PLN: variants seen among roughly 807,000 people sequenced by gnomAD.
The protein encoded by PLN is cardiac phospholamban.
A neutral mutation model predicts 3.9 loss-of-function variants in PLN; 1 was observed. The ratio of observed to expected loss-of-function variants is 0.26; its 90% CI spans 0.09 to 1.23. The LOEUF is 1.23. Ranked by LOEUF, PLN falls within the 50% of genes most tolerant of loss-of-function variation. PLN has a pLI of 0.48. For missense variants in PLN, 59 were observed against 62.7 expected, an observed-to-expected ratio of 0.94 and a Z score of 0.20; for synonymous variants, 21 against 20.5, an observed-to-expected ratio of 1.02 and a Z score of -0.07.
chr6:118,550,464 C>CA (rs1778476715), intron 1 of PLN, among the ~76,000 whole-genome samples: 3 of 151,744 alleles, frequency 2.0e-5, no homozygotes, highest in Admixed American at 2.0e-4. Flanking sequence ...TGAGGAGGGC[C>CA]AATGAACACT....
intron 1 of PLN, among the ~76,000 whole-genome samples, chr6:118,553,022 A>G (rs1778642022): frequency 6.6e-6 from 1 of 152,100 alleles, no homozygotes; most frequent in Admixed American, 6.6e-5. Flanking sequence ...TTCTTTTAAT[A>G]AAAGGGTGGA....
intron 1 of PLN, among the ~76,000 whole-genome samples, chr6:118,553,249 GT>G (rs1778659184): frequency 6.7e-6 from 1 of 148,286 alleles, no homozygotes; most frequent in Admixed American, 6.7e-5. Context: ...TCATACAGTG[GT>G]TGTCAGTGCA....
At chr6:118,554,413 T>A (rs146154859) in intron 1 of PLN, among the ~76,000 whole-genome samples, 1 of 152,160 alleles carries the variant, frequency 6.6e-6, no homozygotes, top group African/African-American at 2.4e-5. Context: ...TTCCAAAGTG[T>A]TGGAATTATA....
chr6:118,558,997 CA>C lies in PLN; in HGVS notation c.80del (p.Lys27SerfsTer13). The C allele has an allele frequency of 6.2e-7, 1 of 1,610,434 alleles. No individual in the cohort carries two copies. On this transcript the variant is annotated frameshift_variant, in exon 2 of 2. Transcript: ENST00000357525. LOFTEE classifies it high-confidence loss of function. ...CATTGAAATGCCTCAACAAGCACGTCAAAAGCTACAGAATCTATTTATCAAT... is the reference window on the plus strand; with the variant it reads ...CATTGAAATGCCTCAACAAGCACGTCAAAGCTACAGAATCTATTTATCAAT... ...STIEMPQQAR[Q>X]KLQNLFINFC...
At position 118,560,340 on chromosome 6, in the gene PLN, AAAGT is replaced by A. The variant is rs1355909039; in HGVS notation, c.*1264_*1267del. 6.0e-6 allele frequency: 1 copy of A among 167,062 alleles called. No homozygotes were observed. The highest frequency in any genetic ancestry group is 1.5e-5 in the Non-Finnish European group (1 of 68,116). The allele number at this position is 167,062 out of a possible 1,614,324, so 10.3% of individuals were successfully genotyped here. ...GTATTATACACTATATTCCTACAAT[AAAGT>A]AAGCTAGAGAAAATGTTATTTAGAA... On this transcript the variant is annotated 3_prime_UTR_variant, in exon 2 of 2. Coordinates refer to ENST00000357525, the MANE Select transcript of PLN (RefSeq NM_002667.5).
At chr6:118,551,902 A>G (rs546152606) in intron 1 of PLN, among the ~76,000 whole-genome samples, 1 of 152,150 alleles carries the variant, frequency 6.6e-6, no homozygotes, top group Admixed American at 6.5e-5. Context: ...AAGCCAACAG[A>G]TTCATCGTAA....
intron 1 of PLN, among the ~76,000 whole-genome samples, chr6:118,549,510 T>C (rs1205088138): frequency 6.6e-6 from 1 of 151,852 alleles, no homozygotes; most frequent in Non-Finnish European, 1.5e-5. Context: ...TCTCTAAAAT[T>C]CTCAATTCCT....
intron 1 of PLN, among the ~76,000 whole-genome samples, chr6:118,549,045 T>C (rs1778378438): frequency 1.3e-5 from 2 of 151,994 alleles, no homozygotes; most frequent in African/African-American, 4.8e-5. Context: ...GTTACTGATA[T>C]TAAATTCAAT....
At position 118,559,282 on chromosome 6, in the gene PLN, AT is replaced by A. The variant is rs1409397181; in HGVS notation, c.*206del. 1 of 578,750 alleles carries A rather than the reference AT, an allele frequency of 1.7e-6. No homozygotes were observed. The highest frequency in any genetic ancestry group is 3.0e-5 in the East Asian group (1 of 33,066). The allele number at this position is 578,750 out of a possible 1,614,324, so 35.9% of individuals were successfully genotyped here. A position where few individuals can be genotyped will look rare whatever the true frequency, so the allele number is the denominator to read the frequency against. ...ATCTTGTAAACATGAAAAGGGCTTTATTTTCAAAAATTAACTTCAAAATAAG... is the reference window on the plus strand; with the variant it reads ...ATCTTGTAAACATGAAAAGGGCTTTATTTCAAAAATTAACTTCAAAATAAG... On this transcript the variant is annotated 3_prime_UTR_variant, in exon 2 of 2. Transcript: ENST00000357525.
rs1349011771 is a variant in PLN at position 118,558,624 on chromosome 6, CAT to C, written c.-97-199_-97-198del. Among the ~76,000 whole-genome samples, 251 of 84,096 alleles carry C rather than the reference CAT, an allele frequency of 3.0e-3. 1 individual carries two copies. The highest frequency in any genetic ancestry group is 0.012 in the African/African-American group (239 of 20,612). 55.2% of individuals were successfully genotyped at this position (84,096 alleles called of 152,430 possible). A position where few individuals can be genotyped will look rare whatever the true frequency, so the allele number is the denominator to read the frequency against. Reference sequence around the variant, plus strand: ...AGACAGACACATAGAAACACGTGCACATACACACACACACACACACACACACA... The same window carrying C: ...AGACAGACACATAGAAACACGTGCACACACACACACACACACACACACACA... On this transcript the variant is annotated intron_variant, in intron 1 of 1. Coordinates refer to ENST00000357525, the MANE Select transcript of PLN (RefSeq NM_002667.5).
chr6:118,559,265 A>G lies in PLN; in HGVS notation c.*185A>G, dbSNP rs1280839161. Reference sequence around the variant, plus strand: ...ATGTATTCATCTGTTGGATCTTGTAAACATGAAAAGGGCTTTATTTTCAAA... The same window carrying G: ...ATGTATTCATCTGTTGGATCTTGTAGACATGAAAAGGGCTTTATTTTCAAA... On this transcript the variant is annotated 3_prime_UTR_variant, in exon 2 of 2. Coordinates refer to ENST00000357525, the MANE Select transcript of PLN (RefSeq NM_002667.5). The G allele has an allele frequency of 1.6e-6, 1 of 631,230 alleles. No homozygotes were observed. The highest frequency in any genetic ancestry group is 2.9e-6 in the Non-Finnish European group (1 of 343,954). The allele number at this position is 631,230 out of a possible 1,614,324, so 39.1% of individuals were successfully genotyped here. A position where few individuals can be genotyped will look rare whatever the true frequency, so the allele number is the denominator to read the frequency against.
intron 1 of PLN, among the ~76,000 whole-genome samples, chr6:118,555,511 A>G (rs1199493119): frequency 1.3e-5 from 2 of 152,150 alleles, no homozygotes; most frequent in African/African-American, 4.8e-5. Flanking sequence ...ATAAGCAAAT[A>G]TCAACATAAG....
At position 118,555,320 on chromosome 6, in the gene PLN, C is replaced by A. The variant is rs376057732; in HGVS notation, c.-97-3505C>A. ...GCGGGCACCTGTAGTCCCAGCTACT[C>A]GGGAGGCTAAGGCAGGAGAATGGCG... is the stretch of plus-strand genomic sequence containing the variant. On this transcript the variant is annotated intron_variant, in intron 1 of 1. Coordinates refer to ENST00000357525, the MANE Select transcript of PLN (RefSeq NM_002667.5). Among the ~76,000 whole-genome samples the A allele has an allele frequency of 1.0e-3, 155 of 150,248 alleles. 1 individual carries two copies. The highest frequency in any genetic ancestry group is 3.1e-4 in the Non-Finnish European group (21 of 67,732).
At chr6:118,551,541 A>G (rs1311118434) in intron 1 of PLN, among the ~76,000 whole-genome samples, 1 of 152,008 alleles carries the variant, frequency 6.6e-6, no homozygotes, top group African/African-American at 2.4e-5. Context: ...TTAAAAAACA[A>G]TAATGAAGGC....
Position 118,558,978 on chromosome 6 carries a change from A to G in PLN, c.57A>G (p.Glu19=). 1.9e-6 allele frequency: 3 copies of G among 1,612,822 alleles called. No homozygotes were observed. In the Middle Eastern group the frequency reaches 5.0e-4, roughly 266 times the overall value. The part of the protein sequence containing the change: ...RSAIRRASTI[E]MPQQARQKLQ... Reference sequence around the variant, plus strand: ...CTATAAGAAGAGCCTCAACCATTGAAATGCCTCAACAAGCACGTCAAAAGC... The same window carrying G: ...CTATAAGAAGAGCCTCAACCATTGAGATGCCTCAACAAGCACGTCAAAAGC... The change falls in exon 2 of 2, where the codon GAA becomes GAG. Residue 19 remains glutamate (E), a synonymous_variant. Transcript: ENST00000357525.
Position 118,560,452 on chromosome 6 carries a change from C to T in PLN, c.*1372C>T, listed in dbSNP as rs1779159010. 6.0e-6 allele frequency: 1 copy of T among 166,824 alleles called. No individual in the cohort carries two copies. Among genetic ancestry groups the T allele is most frequent in the African/African-American group, 2.4e-5 (1 of 41,368 alleles). 10.3% of individuals were successfully genotyped at this position (166,824 alleles called of 1,614,324 possible). A position where few individuals can be genotyped will look rare whatever the true frequency, so the allele number is the denominator to read the frequency against. ...AAAGTCTTCATTCTCATTGTCTTCA[C>T]ATTGAGTAGGCAGAGGAGGAGAAAG... is the stretch of plus-strand genomic sequence containing the variant. On this transcript the variant is annotated 3_prime_UTR_variant, in exon 2 of 2. Coordinates refer to ENST00000357525, the MANE Select transcript of PLN (RefSeq NM_002667.5).
chr6:118,552,952 A>G (rs1778638327), intron 1 of PLN, among the ~76,000 whole-genome samples: 1 of 151,994 alleles, frequency 6.6e-6, no homozygotes, highest in Non-Finnish European at 1.5e-5. Flanking sequence ...TTGATTTTAA[A>G]ATTCATCTAT....
At chr6:118,550,368 A>T (rs993349090) in intron 1 of PLN, among the ~76,000 whole-genome samples, 2 of 151,816 alleles carry the variant, frequency 1.3e-5, no homozygotes, top group Non-Finnish European at 3.0e-5. Flanking sequence ...TGTACACTAA[A>T]TTATGTAATA....
intron 1 of PLN, among the ~76,000 whole-genome samples, chr6:118,553,215 TAAAAA>T (rs59502810): frequency 1.4e-5 from 2 of 138,934 alleles, no homozygotes; most frequent in East Asian, 2.1e-4. Context: ...GTTAAGAAAT[TAAAAA>T]AAAAAAAAAA....
Sources: allele counts gnomAD v4.1 joint callset (sites outside exome capture counted in the v4.1 genomes callset), GRCh38; gene constraint gnomAD v4.1.1; transcripts MANE v1.5; gene names NCBI Gene and HGNC (gene_info 2026-07-23, HGNC 2026-07-21).